PRSS16: variants seen among roughly 807,000 people sequenced by gnomAD.
PRSS16 encodes the protein thymus-specific serine protease.
A neutral mutation model predicts 61.7 loss-of-function variants in PRSS16; 43 were observed. The observed-to-expected ratio is 0.70, with a 90% CI of 0.55 to 0.90. PRSS16 has a LOEUF of 0.90. Among genes scored for constraint, PRSS16 ranks in the 40% least tolerant of loss-of-function variants. PRSS16 has a pLI of 0.00. For missense variants in PRSS16, 591 were observed against 659.1 expected (o/e 0.90, Z 1.13); for synonymous variants, 273 against 285.2 (o/e 0.96, Z 0.43).
At position 27,251,987 on chromosome 6, in the gene PRSS16, G is replaced by A. The variant is rs1187420672; in HGVS notation, c.955G>A (p.Gly319Arg). The change falls in exon 8 of 12, where the codon GGG becomes AGG. Residue 319 changes from glycine to arginine, a missense_variant. Gly to Arg is a moderately radical substitution (Grantham distance 125). Transcript: ENST00000230582. The surrounding 1 kb of genome is among the most constrained non-coding windows in gnomAD (Gnocchi z 5.6). The stretch of plus-strand genomic sequence containing the variant: ...GCTCTGCGGACTTCTCCTCGGGGGC[G>A]GGGGCAACCGCAGCCACTCCACGCC... Reference protein sequence around the residue: ...RQLCGLLLGGGGNRSHSTPYC... With the variant: ...RQLCGLLLGGRGNRSHSTPYC... 4 of 1,587,146 alleles carry A rather than the reference G, an allele frequency of 2.5e-6. No homozygotes were observed. The highest frequency in any genetic ancestry group is 3.4e-6 in the Non-Finnish European group (4 of 1,168,382).
Position 27,252,223 on chromosome 6 carries a change from A to G in PRSS16, c.1008+183A>G. ...ATGAGGCGGGTCATGTAGAGCAATC[A>G]GCTGGGAGCCTGGCACACAGTGTGC... On this transcript the variant is annotated intron_variant, in intron 8 of 11. Transcript: ENST00000230582. This position sits in a 1 kb window ranked among gnomAD's most constrained non-coding sequence, Gnocchi z 4.2. 2.8e-6 allele frequency: 2 copies of G among 720,046 alleles called. No homozygotes were observed. Among genetic ancestry groups the G allele is most frequent in the South Asian group, 4.5e-5 (2 of 44,396 alleles). 44.6% of individuals were successfully genotyped at this position (720,046 alleles called of 1,614,324 possible).
In PRSS16 at chr6:27,250,854, A is replaced by G. The variant is rs763307471; in HGVS notation, c.591+48A>G. The G allele has an allele frequency of 4.4e-6, 7 of 1,574,662 alleles. No individual in the cohort carries two copies. The South Asian group carries it at 7.0e-5, about 16-fold the overall frequency. ...GCTGGGGGGAGGGAACTCGGACTCC[A>G]GGGCCCCAGTCTCAGATAATAGGAA... On this transcript the variant is annotated intron_variant, in intron 5 of 11. Coordinates refer to ENST00000230582, the MANE Select transcript of PRSS16 (RefSeq NM_005865.4).
In PRSS16 at chr6:27,251,583, GAT is replaced by G; in HGVS notation, c.718-166_718-165del. 1.2e-6 allele frequency: 1 copy of G among 835,850 alleles called. No individual in the cohort carries two copies. Among genetic ancestry groups the G allele is most frequent in the South Asian group, 2.0e-5 (1 of 50,972 alleles). The allele number at this position is 835,850 out of a possible 1,614,324, so 51.8% of individuals were successfully genotyped here. On this transcript the variant is annotated intron_variant, in intron 7 of 11. Coordinates refer to ENST00000230582, the MANE Select transcript of PRSS16 (RefSeq NM_005865.4). The surrounding 1 kb of genome is among the most constrained non-coding windows in gnomAD (Gnocchi z 5.6). The stretch of plus-strand genomic sequence containing the variant: ...CGAGAAGGAGGGCTGCGAGGCAGGG[GAT>G]TGGGGGCGGGGGCCTGGGGGCGGGG...
Position 27,247,883 on chromosome 6 carries a change from C to T in PRSS16, c.72C>T (p.Ala24=), listed in dbSNP as rs774329944. The change falls in exon 2 of 12, where the codon GCC becomes GCT. Residue 24 remains alanine (A), a splice_region_variant and synonymous_variant. Coordinates refer to ENST00000230582, the MANE Select transcript of PRSS16 (RefSeq NM_005865.4). ...LVSLWGLLAP[A]SLLRRLGEHI... ...CTTCCTTCCCTCCATGTCCCACAGCCTCCCTTCTTAGGCGCCTGGGTGAGC... is the reference window on the plus strand; with the variant it reads ...CTTCCTTCCCTCCATGTCCCACAGCTTCCCTTCTTAGGCGCCTGGGTGAGC... 6.2e-7 allele frequency: 1 copy of T among 1,610,252 alleles called. No individual in the cohort carries two copies. The highest frequency in any genetic ancestry group is 1.1e-5 in the South Asian group (1 of 90,580).
At chr6:27,254,532 C>T (rs1759986088) in intron 9 of PRSS16, 161 bp from the exon 10 acceptor site, 1 of 688,250 alleles carries the variant, frequency 1.5e-6, no homozygotes, top group Non-Finnish European at 2.5e-6. Flanking sequence ...TGGGCTATCA[C>T]TGTCAGGGGA....
At chr6:27,253,156 G>A in intron 9 of PRSS16, 1 of 601,214 alleles carries the variant, frequency 1.7e-6, no homozygotes, top group African/African-American at 1.8e-5. Flanking sequence ...ACACACTGAG[G>A]TCTCCACTTG....
Position 27,250,775 on chromosome 6 carries a change from C to A in PRSS16, c.560C>A (p.Ala187Asp). The A allele has an allele frequency of 6.2e-7, 1 of 1,612,982 alleles. No homozygotes were observed. Among genetic ancestry groups the A allele is most frequent in the Non-Finnish European group, 8.5e-7 (1 of 1,179,606 alleles). Reference protein sequence around the residue: ...SPWICFGGSYAGSLAAWARLK... With the variant: ...SPWICFGGSYDGSLAAWARLK... The stretch of plus-strand genomic sequence containing the variant: ...TGGATCTGCTTCGGAGGCTCCTATG[C>A]CGGCTCCTTGGCCGCCTGGGCCCGG... Residue 187 changes from alanine to aspartate, a missense_variant, in exon 5 of 12, where the codon GCC becomes GAC. Coordinates refer to ENST00000230582, the MANE Select transcript of PRSS16 (RefSeq NM_005865.4).
rs1402608214 is a variant in PRSS16 at position 27,247,947 on chromosome 6, G to GGCCTGA, written c.142_147dup (p.Ser48_Leu49dup). The GGCCTGA allele has an allele frequency of 1.2e-6, 2 of 1,606,650 alleles. No individual in the cohort carries two copies. The highest frequency in any genetic ancestry group is 1.7e-6 in the Non-Finnish European group (2 of 1,176,740). ...TCAGGAGAGCTCTGCCCAGGGCCTGGGCCTGAGCCTGGGGCCAGGTGCTGC... is the reference window on the plus strand; with the variant it reads ...TCAGGAGAGCTCTGCCCAGGGCCTGGGCCTGAGCCTGAGCCTGGGGCCAGGTGCTGC... On this transcript the variant is annotated inframe_insertion, in exon 2 of 12. Transcript: ENST00000230582.
Position 27,250,743 on chromosome 6 carries a change from C to T in PRSS16, c.528C>T (p.Ser176=). Residue 176 remains serine (S), a synonymous_variant, in exon 5 of 12, where the codon TCC becomes TCT. Coordinates refer to ENST00000230582, the MANE Select transcript of PRSS16 (RefSeq NM_005865.4). ...CCCGCCTCTTTAACATCTCCTCCTC[C>T]AGCCCCTGGATCTGCTTCGGAGGCT... The part of the protein sequence containing the change: ...ALSRLFNISS[S]SPWICFGGSY... The T allele has an allele frequency of 6.2e-7, 1 of 1,613,996 alleles. No individual in the cohort carries two copies. The highest frequency in any genetic ancestry group is 8.5e-7 in the Non-Finnish European group (1 of 1,179,968).
At chr6:27,254,456 G>T in intron 9 of PRSS16, 1 of 495,174 alleles carries the variant, frequency 2.0e-6, no homozygotes, top group Non-Finnish European at 3.6e-6. Flanking sequence ...TGCTTTCCCT[G>T]AGCCCATCAT....
At position 27,254,823 on chromosome 6, in the gene PRSS16, C is replaced by T. The variant is rs1759993889; in HGVS notation, c.1281C>T (p.Ser427=). The T allele has an allele frequency of 1.2e-6, 2 of 1,614,052 alleles. No homozygotes were observed. Among genetic ancestry groups the T allele is most frequent in the Admixed American group, 1.7e-5 (1 of 60,008 alleles). Residue 427 remains serine (S), a synonymous_variant, in exon 10 of 12, where the codon TCC becomes TCT. Coordinates refer to ENST00000230582, the MANE Select transcript of PRSS16 (RefSeq NM_005865.4). ...CCCAGGCTGTGGCTCAGACGAACTC[C>T]TACTACGGTGGCCAGACCCCTGGGG... ...SVAQAVAQTN[S]YYGGQTPGAN... is the part of the protein sequence containing the mutation.
Position 27,255,303 on chromosome 6 carries a change from G to A in PRSS16, c.1533G>A (p.Lys511=). The stretch of plus-strand genomic sequence containing the variant: ...AGCTGGCAAAGGAGAGCCAGATTAA[G>A]GGTGAAGTCTGAATCTCATACCCTT... The part of the protein sequence containing the change: ...WLKLAKESQI[K]GEV Residue 511 remains lysine, a synonymous_variant, in exon 12 of 12, where the codon AAG becomes AAA. Coordinates refer to ENST00000230582, the MANE Select transcript of PRSS16 (RefSeq NM_005865.4). The surrounding 1 kb of genome is among the most constrained non-coding windows in gnomAD (Gnocchi z 4.4). The A allele has an allele frequency of 6.4e-7, 1 of 1,561,376 alleles. No individual in the cohort carries two copies. Among genetic ancestry groups the A allele is most frequent in the Non-Finnish European group, 8.8e-7 (1 of 1,134,558 alleles).
At chr6:27,248,746 A>G in intron 2 of PRSS16, 101 bp from the exon 3 acceptor site, 1 of 754,574 alleles carries the variant, frequency 1.3e-6, no homozygotes, top group African/African-American at 1.8e-5. Context: ...TTAAGTACAT[A>G]AGGAAAGATC....
chr6:27,251,469 G>C lies in PRSS16; in HGVS notation c.717+205G>C. The C allele has an allele frequency of 1.3e-6, 1 of 776,844 alleles. No individual in the cohort carries two copies. Among genetic ancestry groups the C allele is most frequent in the Non-Finnish European group, 2.0e-6 (1 of 502,362 alleles). The allele number at this position is 776,844 out of a possible 1,614,324, so 48.1% of individuals were successfully genotyped here. ...GGAAAAGAGGCGCTCCCCAGAGAGGGCGGGGTTTGGGCAGGGACAATCCTA... is the reference window on the plus strand; with the variant it reads ...GGAAAAGAGGCGCTCCCCAGAGAGGCCGGGGTTTGGGCAGGGACAATCCTA... On this transcript the variant is annotated intron_variant, in intron 7 of 11. Coordinates refer to ENST00000230582, the MANE Select transcript of PRSS16 (RefSeq NM_005865.4). The surrounding 1 kb of genome is among the most constrained non-coding windows in gnomAD (Gnocchi z 5.6).
chr6:27,255,100 C>G lies in PRSS16; in HGVS notation c.1445C>G (p.Ser482Ter). The G allele has an allele frequency of 6.2e-7, 1 of 1,614,206 alleles. No homozygotes were observed. The highest frequency in any genetic ancestry group is 8.5e-7 in the Non-Finnish European group (1 of 1,180,040). The change falls in exon 11 of 12, where the codon TCA becomes TGA. Residue 482 changes from serine to a stop codon, truncating the protein, a stop_gained. Coordinates refer to ENST00000230582, the MANE Select transcript of PRSS16 (RefSeq NM_005865.4). LOFTEE classifies it high-confidence loss of function. This position sits in a 1 kb window ranked among gnomAD's most constrained non-coding sequence, Gnocchi z 4.4. Reference sequence around the variant, plus strand: ...TTGGACATGGCACCTGAGAGGCCCTCAGACTCCCCCAGCCTCCGCCTAGGG... The same window carrying G: ...TTGGACATGGCACCTGAGAGGCCCTGAGACTCCCCCAGCCTCCGCCTAGGG... Reference protein sequence around the residue: ...HCLDMAPERPSDSPSLRLGRQ... With the variant: ...HCLDMAPERP
rs140761256 is a variant in PRSS16, at chr6:27,250,670, C to T, written c.468-13C>T. ...AGCGATGAGGACCGACCGAGTCCCC[C>T]CTTTGACCCTAGGCTGGCTGATGTG... On this transcript the variant is annotated splice_polypyrimidine_tract_variant and intron_variant, in intron 4 of 11. Transcript: ENST00000230582. The T allele has an allele frequency of 1.3e-6, 2 of 1,597,146 alleles. No homozygotes were observed. Among genetic ancestry groups the T allele is most frequent in the Non-Finnish European group, 1.7e-6 (2 of 1,172,318 alleles).
intron 2 of PRSS16, 137 bp downstream of exon 2, chr6:27,248,185 T>A: frequency 9.2e-7 from 1 of 1,089,898 alleles, no homozygotes; most frequent in Non-Finnish European, 1.3e-6. Flanking sequence ...CATGTTATGC[T>A]TGCTGTCAGT....
chr6:27,248,740 G>C, intron 2 of PRSS16, 107 bp from the exon 3 acceptor site: 1 of 707,220 alleles, frequency 1.4e-6, no homozygotes, highest in Admixed American at 3.1e-5. Context: ...ACACTGTTAA[G>C]TACATAAGGA....
chr6:27,251,756 G>C lies in PRSS16; in HGVS notation c.724G>C (p.Ala242Pro). The change falls in exon 8 of 12, where the codon GCG becomes CCG. Residue 242 changes from alanine (A) to proline (P), a missense_variant. Physicochemically the swap from Ala to Pro is conservative, Grantham distance 27. Coordinates refer to ENST00000230582, the MANE Select transcript of PRSS16 (RefSeq NM_005865.4). The surrounding 1 kb of genome is among the most constrained non-coding windows in gnomAD (Gnocchi z 5.6). The part of the protein sequence containing the change: ...TAIGGSLECR[A>P]AVSVAFAEVE... ...CGCCTCTTGCTTCCCACAGTGCCGG[G>C]CGGCGGTGTCCGTCGCCTTCGCTGA... 6.2e-7 allele frequency: 1 copy of C among 1,603,016 alleles called. No homozygotes were observed. Among genetic ancestry groups the C allele is most frequent in the Non-Finnish European group, 8.5e-7 (1 of 1,178,006 alleles).
Sources: allele counts gnomAD v4.1 joint callset, GRCh38; gene constraint gnomAD v4.1.1; non-coding constraint Gnocchi (gnomAD v3.1); transcripts MANE v1.5; gene names NCBI Gene and HGNC (gene_info 2026-07-23, HGNC 2026-07-21).